Variants in PIK3C2B observed in about 807,000 individuals in gnomAD.
PIK3C2B encodes the protein phosphatidylinositol 4-phosphate 3-kinase C2 domain-containing subunit beta.
A neutral mutation model predicts 184.3 loss-of-function variants in PIK3C2B; 83 were observed. That is an observed-to-expected ratio of 0.45 (90% CI 0.38 to 0.54). The LOEUF is 0.54. Among genes scored for constraint, PIK3C2B ranks in the 20% least tolerant of loss-of-function variants. PIK3C2B has a pLI of 0.00. For synonymous variants in PIK3C2B, 779 were observed against 837.6 expected (o/e 0.93, Z 1.21); for missense variants, 1,736 against 2,113.5 (o/e 0.82, Z 3.50).
chr1:204,476,563 A>T (rs1656728794), intron 1 of PIK3C2B, among the ~76,000 whole-genome samples: 1 of 152,224 alleles, frequency 6.6e-6, no homozygotes, highest in Non-Finnish European at 1.5e-5. Flanking sequence ...AATTAAATTA[A>T]AATTTAAATT....
At chr1:204,452,966 A>G (rs1654502236) in intron 12 of PIK3C2B, among the ~76,000 whole-genome samples, 1 of 151,654 alleles carries the variant, frequency 6.6e-6, no homozygotes, top group Admixed American at 6.6e-5. Context: ...AGCCATATAC[A>G]CCTTTATTGC....
chr1:204,468,514 G>A lies in PIK3C2B; in HGVS notation c.933+356C>T, dbSNP rs534092224. On this transcript the variant is annotated intron_variant, in intron 2 of 32. Transcript: ENST00000684373. The stretch of plus-strand genomic sequence containing the variant: ...AGAGCAAGCGGAAGCAACTTGCTCC[G>A]GTCCAGAGGGCCATTCAGCCAGTCA... Among the ~76,000 whole-genome samples the A allele has an allele frequency of 8.5e-5, 13 of 152,300 alleles. No homozygotes were observed. The South Asian group carries it at 1.7e-3, about 19-fold the overall frequency.
intron 1 of PIK3C2B, among the ~76,000 whole-genome samples, chr1:204,475,532 G>T (rs955603572): frequency 6.6e-6 from 1 of 152,120 alleles, no homozygotes; most frequent in Non-Finnish European, 1.5e-5. Flanking sequence ...GATGTAGGTG[G>T]TGTGCTCCTT....
At chr1:204,482,550 A>G (rs958672724) in intron 1 of PIK3C2B, among the ~76,000 whole-genome samples, 5 of 152,128 alleles carry the variant, frequency 3.3e-5, no homozygotes, top group African/African-American at 1.2e-4. Flanking sequence ...GCACTTTGGG[A>G]GGCCGAGGTG....
At chr1:204,484,606 T>C (rs548034441) in intron 1 of PIK3C2B, among the ~76,000 whole-genome samples, 1 of 152,202 alleles carries the variant, frequency 6.6e-6, no homozygotes, top group South Asian at 2.1e-4. Flanking sequence ...TGGTGGCGCA[T>C]GTCTGTGGTC....
Position 204,469,779 on chromosome 1 carries a change from C to T in PIK3C2B, c.24G>A (p.Gly8=). Reference sequence around the variant, plus strand: ...CTGACTCCAGGGACTTCCAGTGTTCCCCATTGCCCTGAGTCGAAGACATGG... The same window carrying T: ...CTGACTCCAGGGACTTCCAGTGTTCTCCATTGCCCTGAGTCGAAGACATGG... MSSTQGN[G]EHWKSLESVG... is the part of the protein sequence containing the mutation. The change falls in exon 2 of 33, where the codon GGG becomes GGA. Residue 8 remains glycine, a synonymous_variant. Coordinates refer to ENST00000684373, the MANE Select transcript of PIK3C2B (RefSeq NM_001377334.1). 1 of 1,613,734 alleles carries T rather than the reference C, an allele frequency of 6.2e-7. No individual in the cohort carries two copies. The highest frequency in any genetic ancestry group is 8.5e-7 in the Non-Finnish European group (1 of 1,179,704).
intron 32 of PIK3C2B, 147 bp downstream of exon 32, chr1:204,425,466 T>A: frequency 1.2e-6 from 1 of 819,210 alleles, no homozygotes; most frequent in African/African-American, 1.7e-5. Context: ...CATTGCAACA[T>A]GAAAGCAGCT....
In PIK3C2B at chr1:204,445,998, G is replaced by T. The variant is rs748210384; in HGVS notation, c.2636C>A (p.Thr879Asn). 49 of 1,584,920 alleles carry T rather than the reference G, an allele frequency of 3.1e-5. No individual in the cohort carries two copies. The East Asian group carries it at 1.1e-3, about 36-fold the overall frequency. The change falls in exon 16 of 33, where the codon ACC becomes AAC. Residue 879 changes from threonine to asparagine, a missense_variant. Physicochemically the swap from Thr to Asn is moderately conservative, Grantham distance 65. This residue lies in a region of PIK3C2B where 609 missense variants were observed against 699.2 expected (regional missense o/e 0.87). Transcript: ENST00000684373. Reference sequence around the variant, plus strand: ...CAGGGCATCCTGGTGGTTCATGTGGGTCCACTGCTTCAGGAGAACATAGAT... The same window carrying T: ...CAGGGCATCCTGGTGGTTCATGTGGTTCCACTGCTTCAGGAGAACATAGAT... ...PDIYVLLKQW[T>N]HMNHQDALGL...
Position 204,424,447 on chromosome 1 carries a change from G to T in PIK3C2B, c.*405C>A, listed in dbSNP as rs551827803. ...GCATAGGTACGTCCCTTCTCGCAAGGCTTCCTGTCCCAGTTAGGACAACAT... is the reference window on the plus strand; with the variant it reads ...GCATAGGTACGTCCCTTCTCGCAAGTCTTCCTGTCCCAGTTAGGACAACAT... On this transcript the variant is annotated 3_prime_UTR_variant, in exon 33 of 33. Coordinates refer to ENST00000684373, the MANE Select transcript of PIK3C2B (RefSeq NM_001377334.1). The T allele has an allele frequency of 7.9e-4, 271 of 341,686 alleles. No individual in the cohort carries two copies. Among genetic ancestry groups the T allele is most frequent in the Non-Finnish European group, 1.4e-3 (236 of 172,382 alleles). The allele number at this position is 341,686 out of a possible 1,614,324, so 21.2% of individuals were successfully genotyped here.
rs754294690 is a variant in PIK3C2B, at chr1:204,431,760, G to C, written c.4189C>G (p.His1397Asp). 2.5e-6 allele frequency: 4 copies of C among 1,614,182 alleles called. No individual in the cohort carries two copies. Among genetic ancestry groups the C allele is most frequent in the East Asian group, 2.2e-5 (1 of 44,890 alleles). Reference sequence around the variant, plus strand: ...GTCCGCTGGATGTAGGTGGCCTCGTGAGTGTTCTCTCGCATCACCTTTACC... The same window carrying C: ...GTCCGCTGGATGTAGGTGGCCTCGTCAGTGTTCTCTCGCATCACCTTTACC... Reference protein sequence around the residue: ...YVVKVMRENTHEATYIQRTFE... With the variant: ...YVVKVMRENTDEATYIQRTFE... The change falls in exon 28 of 33, where the codon CAC (histidine) becomes GAC (aspartate). Residue 1397 changes from histidine (H) to aspartate (D), a missense_variant. His to Asp is a moderately conservative substitution (Grantham distance 81, BLOSUM62 -1). This residue lies in a region of PIK3C2B where 200 missense variants were observed against 199.1 expected (regional missense o/e 1.00). Transcript: ENST00000684373.
Position 204,487,418 on chromosome 1 carries a change from G to A in PIK3C2B, c.-85+6938C>T, listed in dbSNP as rs149148132. 1.0e-3 allele frequency among the ~76,000 whole-genome samples: 152 copies of A among 152,168 alleles called. No homozygotes were observed. In the Middle Eastern group the frequency reaches 0.024, roughly 24 times the overall value. On this transcript the variant is annotated intron_variant, in intron 1 of 32. Coordinates refer to ENST00000684373, the MANE Select transcript of PIK3C2B (RefSeq NM_001377334.1). Reference sequence around the variant, plus strand: ...GCCTTTAAACCGCATGGATTACCTCGTATTTATCTTTGTCTCCCCCAGGAT... The same window carrying A: ...GCCTTTAAACCGCATGGATTACCTCATATTTATCTTTGTCTCCCCCAGGAT...
intron 12 of PIK3C2B, among the ~76,000 whole-genome samples, chr1:204,453,774 T>C (rs1206847956): frequency 2.2e-5 from 1 of 44,706 alleles, no homozygotes; most frequent in Non-Finnish European, 8.8e-5. Flanking sequence ...CAACTAACAT[T>C]TAATTTTTTT....
At chr1:204,425,512 T>G in intron 32 of PIK3C2B, 101 bp downstream of exon 32, 1 of 1,307,770 alleles carries the variant, frequency 7.6e-7, no homozygotes, top group East Asian at 2.3e-5. Flanking sequence ...ACAGCCATGT[T>G]CTTAATACAA....
At chr1:204,467,791 C>T (rs1184321054) in intron 2 of PIK3C2B, among the ~76,000 whole-genome samples, 4 of 128,826 alleles carry the variant, frequency 3.1e-5, no homozygotes, top group Admixed American at 1.0e-4. Flanking sequence ...GCCAAGATAG[C>T]GCCACTGCAC....
chr1:204,470,619 C>T (rs2103518040), intron 1 of PIK3C2B, among the ~76,000 whole-genome samples: 1 of 152,374 alleles, frequency 6.6e-6, no homozygotes, highest in Non-Finnish European at 1.5e-5. Flanking sequence ...GGTCAACATA[C>T]ACCTAACACA....
intron 7 of PIK3C2B, 148 bp downstream of exon 7, chr1:204,460,175 TG>T: frequency 1.4e-6 from 1 of 693,258 alleles, no homozygotes; most frequent in Non-Finnish European, 2.5e-6. Flanking sequence ...ATGCCTGGAG[TG>T]GGGATCTTCT....
In PIK3C2B at chr1:204,430,933, C is replaced by T. The variant is rs545931171; in HGVS notation, c.4280+736G>A. On this transcript the variant is annotated intron_variant, in intron 28 of 32. Transcript: ENST00000684373. ...CCTCCCAAAGTGCTGGGATTACAGG[C>T]GTGAACCACTGCGCCCGGCCTGAAA... is the stretch of plus-strand genomic sequence containing the variant. 2.2e-3 allele frequency among the ~76,000 whole-genome samples: 334 copies of T among 152,300 alleles called. 3 individuals are homozygous for T. The highest frequency in any genetic ancestry group is 7.8e-3 in the African/African-American group (325 of 41,550).
intron 1 of PIK3C2B, among the ~76,000 whole-genome samples, chr1:204,479,738 CACT>C (rs1173694018): frequency 6.6e-6 from 1 of 152,220 alleles, no homozygotes; most frequent in Non-Finnish European, 1.5e-5. Flanking sequence ...AGATTGTCAC[CACT>C]GTCACCTCCA....
chr1:204,433,577 C>T lies in PIK3C2B; in HGVS notation c.3844-152G>A. 1 of 715,330 alleles carries T rather than the reference C, an allele frequency of 1.4e-6. No homozygotes were observed. The highest frequency in any genetic ancestry group is 2.4e-6 in the Non-Finnish European group (1 of 417,346). The allele number at this position is 715,330 out of a possible 1,614,324, so 44.3% of individuals were successfully genotyped here. On this transcript the variant is annotated intron_variant, in intron 25 of 32. Coordinates refer to ENST00000684373, the MANE Select transcript of PIK3C2B (RefSeq NM_001377334.1). The surrounding 1 kb of genome is among the most constrained non-coding windows in gnomAD (Gnocchi z 5.0). Reference sequence around the variant, plus strand: ...GCTGTGGGCAGTGGCTGGAGGGCCACAGGAACTGAAGGGCTGGAGCAGGGA... The same window carrying T: ...GCTGTGGGCAGTGGCTGGAGGGCCATAGGAACTGAAGGGCTGGAGCAGGGA...
Sources: gnomAD v4.1 joint callset for allele counts (sites outside exome capture counted in the v4.1 genomes callset) on GRCh38, gnomAD v4.1.1 for gene constraint, gnomAD v4.1.1 regional missense constraint, Gnocchi (gnomAD v3.1) non-coding constraint, MANE v1.5 for transcripts, NCBI Gene and HGNC (gene_info 2026-07-23, HGNC 2026-07-21) for gene names.